Variants in IQSEC1 observed in about 807,000 individuals in gnomAD.
The protein encoded by IQSEC1 is IQ motif and Sec7 domain ArfGEF 1, also known as IQ motif and SEC7 domain-containing protein 1.
IQSEC1 carries 31 observed loss-of-function variants against 91.0 expected under a neutral mutation model. That is an observed-to-expected ratio of 0.34 (90% confidence interval 0.26 to 0.46). The LOEUF (loss-of-function observed/expected upper bound fraction) is 0.46, where lower values mean the gene tolerates loss of function less well. IQSEC1 is among the 20% of genes least tolerant of loss of function. The pLI, the probability that IQSEC1 is intolerant of heterozygous loss-of-function variation, is 1.00. For synonymous variants in IQSEC1, 699 were observed against 662.6 expected, an observed-to-expected ratio of 1.05 and a Z score of -0.84; for missense variants, 1,388 against 1,575.6, an observed-to-expected ratio of 0.88 and a Z score of 2.02.
rs114469284 is a variant in IQSEC1 at position 13,242,985 on chromosome 3, T to C, written c.272+39726A>G. On this transcript the variant is annotated intron_variant, in intron 1 of 15. Coordinates refer to the IQSEC1 transcript ENST00000648114. Reference sequence around the variant, plus strand: ...CTTTAAATCCCAGTAGTGAGGGGGTTGATTGGAGAACTTGAGAGGGTTCCG... The same window carrying C: ...CTTTAAATCCCAGTAGTGAGGGGGTCGATTGGAGAACTTGAGAGGGTTCCG... 2.5e-3 allele frequency among the ~76,000 whole-genome samples: 388 copies of C among 152,208 alleles called. 2 individuals carry two copies. Among genetic ancestry groups the C allele is most frequent in the African/African-American group, 8.6e-3 (359 of 41,546 alleles).
chr3:12,919,599 C>T (rs141896271), intron 6 of IQSEC1, among the ~76,000 whole-genome samples: 78 of 152,376 alleles, frequency 5.1e-4, no homozygotes, highest in African/African-American at 1.7e-3. Context: ...CAGCTCCACA[C>T]GCTCTTAGAG....
chr3:13,245,343 A>G (rs1695091046), intron 1 of IQSEC1, among the ~76,000 whole-genome samples: 1 of 152,250 alleles, frequency 6.6e-6, no homozygotes, highest in African/African-American at 2.4e-5. Flanking sequence ...GCCGCAGCTC[A>G]GAACACGCAG....
chr3:13,245,075 T>C (rs966020560), intron 1 of IQSEC1, among the ~76,000 whole-genome samples: 4 of 152,158 alleles, frequency 2.6e-5, no homozygotes, highest in African/African-American at 9.7e-5. Flanking sequence ...ACATTTATTA[T>C]CTTTCATGAG....
chr3:13,121,206 C>T (rs1408023346), intron 2 of IQSEC1, among the ~76,000 whole-genome samples: 2 of 152,228 alleles, frequency 1.3e-5, no homozygotes, highest in African/African-American at 4.8e-5. Flanking sequence ...CCTGAGTCAT[C>T]GTCAGAGCTG....
At chr3:13,252,727 TG>T (rs1395954279) in intron 1 of IQSEC1, among the ~76,000 whole-genome samples, 1 of 139,540 alleles carries the variant, frequency 7.2e-6, no homozygotes, top group Non-Finnish European at 1.5e-5. Flanking sequence ...TGTTTTTTTT[TG>T]TTTTTGTTTG....
chr3:13,274,376 TC>T (rs1271488078), intron 1 of IQSEC1, among the ~76,000 whole-genome samples: 1 of 152,208 alleles, frequency 6.6e-6, no homozygotes, highest in African/African-American at 2.4e-5. Flanking sequence ...GCCCTACCGG[TC>T]CCAGGACACC....
chr3:13,218,033 C>T (rs147779005), intron 1 of IQSEC1, among the ~76,000 whole-genome samples: 25 of 152,324 alleles, frequency 1.6e-4, no homozygotes, highest in African/African-American at 6.0e-4. Flanking sequence ...TGCTAGCCCC[C>T]CACCTAAAGT....
Position 13,000,736 on chromosome 3 carries a change from G to A in IQSEC1, c.24-58871C>T, listed in dbSNP as rs562735493. On this transcript the variant is annotated intron_variant, in intron 1 of 13. Coordinates refer to ENST00000613206, the MANE Select transcript of IQSEC1 (RefSeq NM_001134382.3). Reference sequence around the variant, plus strand: ...AGTAGGCACTGTGGAGGGGAGGGCTGAAGGAGGGCCAGTTGGTGGGCACAG... The same window carrying A: ...AGTAGGCACTGTGGAGGGGAGGGCTAAAGGAGGGCCAGTTGGTGGGCACAG... 4.5e-4 allele frequency among the ~76,000 whole-genome samples: 68 copies of A among 152,346 alleles called. No homozygotes were observed. The South Asian group carries it at 0.014, about 31-fold the overall frequency.
chr3:13,265,254 A>G (rs634498), intron 1 of IQSEC1, among the ~76,000 whole-genome samples: 113,818 of 152,158 alleles, frequency 0.75, 43,269 homozygotes, highest in East Asian at 0.98. Context: ...GTGACAAGAC[A>G]CCCAGCATCC....
At chr3:12,990,110 A>G (rs1701920636) in intron 1 of IQSEC1, among the ~76,000 whole-genome samples, 1 of 152,220 alleles carries the variant, frequency 6.6e-6, no homozygotes, top group Non-Finnish European at 1.5e-5. Context: ...GGCTTTATTA[A>G]AACACGTTGG....
At chr3:12,916,080 G>A (rs1696062125) in intron 6 of IQSEC1, among the ~76,000 whole-genome samples, 1 of 152,218 alleles carries the variant, frequency 6.6e-6, no homozygotes, top group African/African-American at 2.4e-5. Flanking sequence ...GGAAGACTGA[G>A]GCTGACGTGT....
At chr3:13,243,284 G>C (rs537024144) in intron 1 of IQSEC1, among the ~76,000 whole-genome samples, 21 of 152,168 alleles carry the variant, frequency 1.4e-4, no homozygotes, top group Admixed American at 7.2e-4. Context: ...AGCTTTGAGG[G>C]AGGGGAGAGG....
chr3:12,958,684 C>G (rs934718245), intron 1 of IQSEC1, among the ~76,000 whole-genome samples: 1 of 152,214 alleles, frequency 6.6e-6, no homozygotes, highest in Non-Finnish European at 1.5e-5. Flanking sequence ...CTGGGGAGCA[C>G]GAGGGGTGCC....
At chr3:13,086,203 TC>T (rs1705731540) in intron 2 of IQSEC1, among the ~76,000 whole-genome samples, 1 of 152,138 alleles carries the variant, frequency 6.6e-6, no homozygotes, top group South Asian at 2.1e-4. Flanking sequence ...TGACTCTGAG[TC>T]TTAGTTCCTA....
At chr3:12,973,729 C>A (rs1261086789) in intron 1 of IQSEC1, among the ~76,000 whole-genome samples, 1 of 152,148 alleles carries the variant, frequency 6.6e-6, no homozygotes, top group African/African-American at 2.4e-5. Context: ...CTACTGTGTA[C>A]CCACAAAAAT....
intron 1 of IQSEC1, among the ~76,000 whole-genome samples, chr3:13,067,691 A>G (rs922017642): frequency 6.6e-6 from 1 of 152,232 alleles, no homozygotes; most frequent in East Asian, 1.9e-4. Flanking sequence ...ACAAGGGCAC[A>G]CAGATCTGGC....
rs1695049018 is a variant in IQSEC1 at position 13,243,176 on chromosome 3, C to G, written c.272+39535G>C. ...TGACCTAACCTGAATTTACACCGTG[C>G]TTGGCCAGGCCCACAGCCCTGCCAT... On this transcript the variant is annotated intron_variant, in intron 1 of 15. Transcript: ENST00000648114. 2.6e-5 allele frequency among the ~76,000 whole-genome samples: 4 copies of G among 152,318 alleles called. 1 individual carries two copies. The South Asian group carries it at 8.3e-4, about 32-fold the overall frequency.
chr3:12,942,182 G>T (rs1322403037), intron 1 of IQSEC1, among the ~76,000 whole-genome samples: 1 of 152,228 alleles, frequency 6.6e-6, no homozygotes, highest in Non-Finnish European at 1.5e-5. Flanking sequence ...TTTGGCCACT[G>T]GGTCGCTGAT....
At chr3:12,947,431 C>G (rs753764655) in intron 1 of IQSEC1, among the ~76,000 whole-genome samples, 1 of 151,884 alleles carries the variant, frequency 6.6e-6, no homozygotes, top group Non-Finnish European at 1.5e-5. Context: ...CTTAACCCCA[C>G]TTCCTCCACA....
Sources: allele counts gnomAD v4.1 joint callset (sites outside exome capture counted in the v4.1 genomes callset), GRCh38; gene constraint gnomAD v4.1.1; transcripts MANE v1.5; gene names NCBI Gene and HGNC (gene_info 2026-07-23, HGNC 2026-07-21).